Variants in SLC34A3 observed in about 807,000 individuals in gnomAD.
SLC34A3 encodes the protein solute carrier family 34 member 3.
SLC34A3 carries 60 observed loss-of-function variants against 43.9 expected under a neutral mutation model. That is an observed-to-expected ratio of 1.37 (90% CI 1.11 to 1.70). SLC34A3 has a LOEUF of 1.70. Among genes scored for constraint, SLC34A3 ranks in the 40% most tolerant of loss-of-function variants. The pLI is 0.00. For synonymous variants in SLC34A3, 451 were observed against 386.2 expected, an observed-to-expected ratio of 1.17 and a Z score of -1.97; for missense variants, 969 against 823.8, an observed-to-expected ratio of 1.18 and a Z score of -2.16.
chr9:137,233,761 C>T, intron 8 of SLC34A3, 39 bp downstream of exon 8: 5 of 1,605,672 alleles, frequency 3.1e-6, no homozygotes, highest in Non-Finnish European at 4.3e-6. Context: ...GACCCCCAAC[C>T]TCCCACCTGC....
At chr9:137,233,167 C>G (rs533302116) in intron 6 of SLC34A3, 42 bp from the exon 7 acceptor site, 7 of 1,549,872 alleles carry the variant, frequency 4.5e-6, no homozygotes, top group African/African-American at 4.1e-5. Context: ...AGCCCCAGCC[C>G]GGGCCCCCCC....
Position 137,236,013 on chromosome 9 carries a change from C to T in SLC34A3, c.1397C>T (p.Ala466Val), listed in dbSNP as rs1184255330. ...ATCCTGCTGTGGTACCTGGTGCCTG[C>T]ACTGCGGCTGCCCATCCCGCTGGCC... The part of the protein sequence containing the change: ...AGILLWYLVP[A>V]LRLPIPLARH... The change falls in exon 13 of 13, where the codon GCA becomes GTA. Residue 466 changes from alanine (A) to valine (V), a missense_variant. Coordinates refer to ENST00000673835, the MANE Select transcript of SLC34A3 (RefSeq NM_001177316.2). The T allele has an allele frequency of 1.2e-6, 2 of 1,612,658 alleles. No homozygotes were observed.
Position 137,232,630 on chromosome 9 carries a change from C to A in SLC34A3, c.231C>A (p.Cys77Ter). ...TGGCCGGCAGCGTCCTCAAGGCCTG[C>A]GGGCTCCTCGGCAGCCTGTACTTCT... ...RRVAGSVLKA[C>*]GLLGSLYFFI... is the part of the protein sequence containing the mutation. The change falls in exon 4 of 13, where the codon TGC (cysteine) becomes TGA (stop). Residue 77 changes from cysteine (C) to a stop codon, truncating the protein, a stop_gained. Transcript: ENST00000673835. LOFTEE classifies it high-confidence loss of function. 6.2e-7 allele frequency: 1 copy of A among 1,612,642 alleles called. No homozygotes were observed. The highest frequency in any genetic ancestry group is 8.5e-7 in the Non-Finnish European group (1 of 1,179,854).
chr9:137,233,188 G>A, intron 6 of SLC34A3, 21 bp from the exon 7 acceptor site: 6 of 1,566,576 alleles, frequency 3.8e-6, no homozygotes, highest in Non-Finnish European at 5.2e-6. Context: ...ACCTGACCCT[G>A]CCCACTCTCT....
chr9:137,234,503 T>C lies in SLC34A3; in HGVS notation c.1181T>C (p.Val394Ala), dbSNP rs1192379596. 2 of 1,604,694 alleles carry C rather than the reference T, an allele frequency of 1.2e-6. No homozygotes were observed. The highest frequency in any genetic ancestry group is 3.3e-5 in the Admixed American group (2 of 59,914). ...GLTFALQSSS[V>A]FTAAVVPLMG... The stretch of plus-strand genomic sequence containing the variant: ...ACCTTCGCACTGCAGAGCAGCAGCG[T>C]CTTCACGGCGGCCGTCGTGCCCCTC... The change falls in exon 11 of 13, where the codon GTC becomes GCC. Residue 394 changes from valine to alanine, a missense_variant. Coordinates refer to ENST00000673835, the MANE Select transcript of SLC34A3 (RefSeq NM_001177316.2). The surrounding 1 kb of genome is among the most constrained non-coding windows in gnomAD (Gnocchi z 6.9).
rs145877051 is a variant in SLC34A3, at chr9:137,233,357, G to C, written c.709G>C (p.Asp237His). The C allele has an allele frequency of 3.1e-6, 5 of 1,606,368 alleles. No individual in the cohort carries two copies. The African/African-American group carries it at 4.0e-5, about 13-fold the overall frequency. Residue 237 changes from aspartate (D) to histidine (H), a missense_variant, in exon 7 of 13, where the codon GAC becomes CAC. By Grantham distance (81) the Asp-to-His change is moderately conservative. Transcript: ENST00000673835. Reference sequence around the variant, plus strand: ...CCTGACACCCAGGGCGCAGGCGCCCGACATCCTCAAGGTGCTGACGAAGCC... The same window carrying C: ...CCTGACACCCAGGGCGCAGGCGCCCCACATCCTCAAGGTGCTGACGAAGCC... ...ASLTPRAQAP[D>H]ILKVLTKPLT...
upstream of SLC34A3, among the ~76,000 whole-genome samples, chr9:137,230,560 C>A (rs1427537840): frequency 6.6e-6 from 1 of 152,198 alleles, no homozygotes; most frequent in Non-Finnish European, 1.5e-5. Flanking sequence ...GCAGCCCCAG[C>A]CATACTCTAG....
Position 137,233,008 on chromosome 9 carries a change from G to A in SLC34A3, c.453G>A (p.Leu151=), listed in dbSNP as rs781153739. 1.4e-5 allele frequency: 23 copies of A among 1,611,514 alleles called. No individual in the cohort carries two copies. Among genetic ancestry groups the A allele is most frequent in the Non-Finnish European group, 1.9e-5 (23 of 1,179,684 alleles). ...ACTCAGCCCCCCCACCAGCAGTGCT[G>A]ACTGTCCGGGTGTCTGTGCCCATCA... ...IVVSMVAAKL[L]TVRVSVPIIM... Residue 151 remains leucine, a synonymous_variant, in exon 6 of 13, where the codon CTG becomes CTA. Transcript: ENST00000673835.
rs771999499 is a variant in SLC34A3 at position 137,232,169 on chromosome 9, T to C, written c.175+8T>C. 1 of 1,612,636 alleles carries C rather than the reference T, an allele frequency of 6.2e-7. No individual in the cohort carries two copies. Among genetic ancestry groups the C allele is most frequent in the Non-Finnish European group, 8.5e-7 (1 of 1,179,692 alleles). On this transcript the variant is annotated splice_region_variant and intron_variant, in intron 3 of 12. Transcript: ENST00000673835. ...CAAGCCAGCCCTGGAAAGGTGGGTC[T>C]GGAGGTTCCGGGGGTGGCAGGCTGG... is the stretch of plus-strand genomic sequence containing the variant.
intron 12 of SLC34A3, 53 bp from the exon 13 acceptor site, chr9:137,235,899 C>A: frequency 6.3e-6 from 10 of 1,576,896 alleles, no homozygotes; most frequent in Non-Finnish European, 8.7e-6. Context: ...TCCGGGGCCC[C>A]TGGTGACCCC....
chr9:137,235,882 G>GCAGGGGTC, intron 12 of SLC34A3, 70 bp from the exon 13 acceptor site: 1 of 1,375,766 alleles, frequency 7.3e-7, no homozygotes, highest in Non-Finnish European at 1.0e-6. Context: ...GTGGAGGAGG[G>GCAGGGGTC]CAGGGGTCCG....
At chr9:137,235,436 C>A (rs932093675) in intron 12 of SLC34A3, among the ~76,000 whole-genome samples, 1 of 152,196 alleles carries the variant, frequency 6.6e-6, no homozygotes, top group Admixed American at 6.5e-5. Flanking sequence ...TGTCTCTATC[C>A]ACTTAGACCC....
chr9:137,232,756 C>T, intron 4 of SLC34A3, 28 bp from the exon 5 acceptor site: 1 of 1,612,986 alleles, frequency 6.2e-7, no homozygotes, highest in East Asian at 2.2e-5. Flanking sequence ...CCCTCCGCAG[C>T]TTCAGCGCAC....
At chr9:137,231,937 C>G (rs923101089) in intron 2 of SLC34A3, 135 bp from the exon 3 acceptor site, 18 of 1,129,520 alleles carry the variant, frequency 1.6e-5, no homozygotes, top group Admixed American at 1.5e-4. Flanking sequence ...AGCTGGAGCC[C>G]CATCTTCCCC....
At position 137,233,305 on chromosome 9, in the gene SLC34A3, A is replaced by G; in HGVS notation, c.657A>G (p.Leu219=). 2 of 1,597,384 alleles carry G rather than the reference A, an allele frequency of 1.3e-6. No individual in the cohort carries two copies. Among genetic ancestry groups the G allele is most frequent in the Non-Finnish European group, 1.7e-6 (2 of 1,172,632 alleles). Residue 219 remains leucine, a synonymous_variant, in exon 7 of 13, where the codon CTA becomes CTG. Transcript: ENST00000673835. The part of the protein sequence containing the change: ...LESATALLER[L]SELALGAASL... ...GCGCCACGGCCCTGCTGGAGAGGCTAAGTGAGCTAGCCCTGGGTGCCGCCA... is the reference window on the plus strand; with the variant it reads ...GCGCCACGGCCCTGCTGGAGAGGCTGAGTGAGCTAGCCCTGGGTGCCGCCA...
At chr9:137,230,854 A>G (rs1412072747), upstream of SLC34A3, 2 of 152,200 alleles carry the variant, frequency 1.3e-5, no homozygotes, top group Non-Finnish European at 2.9e-5. Context: ...CCAGCAGGTC[A>G]TGTGCGCGAT....
Position 137,236,366 on chromosome 9 carries a change from G to A in SLC34A3, c.1750G>A (p.Glu584Lys), listed in dbSNP as rs1720352057. 1.3e-6 allele frequency: 2 copies of A among 1,540,018 alleles called. No individual in the cohort carries two copies. The highest frequency in any genetic ancestry group is 1.7e-6 in the Non-Finnish European group (2 of 1,146,790). ...VCSPPKATTK[E>K]AYCYENPEIL... ...CAGCCCCCCGAAGGCCACCACCAAA[G>A]AGGCCTACTGCTACGAGAACCCTGA... is the stretch of plus-strand genomic sequence containing the variant. The change falls in exon 13 of 13, where the codon GAG (glutamate) becomes AAG (lysine). Residue 584 changes from glutamate (E) to lysine (K), a missense_variant. Physicochemically the swap from Glu to Lys is moderately conservative, Grantham distance 56. Transcript: ENST00000673835.
Position 137,233,939 on chromosome 9 carries a change from C to T in SLC34A3, c.923C>T (p.Pro308Leu), listed in dbSNP as rs1836408066. Residue 308 changes from proline to leucine, a missense_variant and splice_region_variant, in exon 9 of 13, where the codon CCC (proline) becomes CTC (leucine). Coordinates refer to ENST00000673835, the MANE Select transcript of SLC34A3 (RefSeq NM_001177316.2). Reference sequence around the variant, plus strand: ...AGCACAGCCCCGGCGGACAGGCTGCCCTGTGAGGCCCGGCCCACCCCAAGC... The same window carrying T: ...AGCACAGCCCCGGCGGACAGGCTGCTCTGTGAGGCCCGGCCCACCCCAAGC... ...KNSTAPADRL[P>L]CRHLFAGTEL... is the part of the protein sequence containing the mutation. 12 of 1,562,130 alleles carry T rather than the reference C, an allele frequency of 7.7e-6. No homozygotes were observed. Among genetic ancestry groups the T allele is most frequent in the Non-Finnish European group, 1.0e-5 (12 of 1,154,368 alleles).
Position 137,234,278 on chromosome 9 carries a change from T to A in SLC34A3, c.1093+2T>A. 6.2e-7 allele frequency: 1 copy of A among 1,610,300 alleles called. No individual in the cohort carries two copies. The highest frequency in any genetic ancestry group is 1.1e-5 in the South Asian group (1 of 90,922). On this transcript the variant is annotated splice_donor_variant, in intron 10 of 12. Coordinates refer to ENST00000673835, the MANE Select transcript of SLC34A3 (RefSeq NM_001177316.2). LOFTEE classifies it high-confidence loss of function. This position sits in a 1 kb window ranked among gnomAD's most constrained non-coding sequence, Gnocchi z 6.9. Reference sequence around the variant, plus strand: ...TCGTGAGGACAGTCATCAATGCGGGTGAGGGCGTGGGAGGAGGTGCGGTGG... The same window carrying A: ...TCGTGAGGACAGTCATCAATGCGGGAGAGGGCGTGGGAGGAGGTGCGGTGG...
Sources: allele counts gnomAD v4.1 joint callset (sites outside exome capture counted in the v4.1 genomes callset), GRCh38; gene constraint gnomAD v4.1.1; non-coding constraint Gnocchi (gnomAD v3.1); transcripts MANE v1.5; gene names NCBI Gene and HGNC (gene_info 2026-07-23, HGNC 2026-07-21).